DYNLL1: variants seen among roughly 807,000 people sequenced by gnomAD.
DYNLL1 encodes the protein dynein light chain LC8-type 1, also known as dynein light chain 1, cytoplasmic.
In DYNLL1, 3 loss-of-function variants were observed where a neutral mutation model predicts 10.1. The ratio of observed to expected loss-of-function variants is 0.30; its 90% CI spans 0.14 to 0.77. The LOEUF is 0.77. Ranked by LOEUF, DYNLL1 falls within the 30% of genes least tolerant of loss-of-function variation. DYNLL1 has a pLI of 0.66. For synonymous variants in DYNLL1, 46 were observed against 41.2 expected (o/e 1.12, Z -0.45); for missense variants, 47 against 111.7 (o/e 0.42, Z 2.61).
At chr12:120,494,507 C>G (rs1481517205), upstream of DYNLL1, among the ~76,000 whole-genome samples, 1 of 152,064 alleles carries the variant, frequency 6.6e-6, no homozygotes, top group Admixed American at 6.5e-5. Flanking sequence ...AACTCCTTAC[C>G]TCAGGTCATC....
upstream of DYNLL1, chr12:120,495,210 A>T (rs370573277): frequency 1.5e-4 from 23 of 152,124 alleles, no homozygotes; most frequent in African/African-American, 5.3e-4. Context: ...TCATCTCTCT[A>T]ACGGCCGCTT....
At chr12:120,480,316 T>C (rs1878853632) in intron 1 of DYNLL1, among the ~76,000 whole-genome samples, 1 of 152,212 alleles carries the variant, frequency 6.6e-6, no homozygotes, top group South Asian at 2.1e-4. Context: ...TATGTGTGGA[T>C]ATGAAAAGAT....
At chr12:120,493,141 A>AATGTTTTATATTCTAATATTT (rs1343636022), upstream of DYNLL1, among the ~76,000 whole-genome samples, 13 of 152,322 alleles carry the variant, frequency 8.5e-5, no homozygotes, top group East Asian at 1.9e-3. Context: ...TGCAAAAACA[A>AATGTTTTATATTCTAATATTT]ATGTTTTATA....
intron 1 of DYNLL1, among the ~76,000 whole-genome samples, chr12:120,472,177 CA>C (rs58950474): frequency 1.0e-4 from 15 of 148,004 alleles, no homozygotes; most frequent in African/African-American, 2.2e-4. Flanking sequence ...CTGCTTGTAA[CA>C]AAAAAAAAAT....
intron 1 of DYNLL1, among the ~76,000 whole-genome samples, chr12:120,473,415 C>T (rs972816798): frequency 6.6e-6 from 1 of 151,748 alleles, no homozygotes; most frequent in African/African-American, 2.4e-5. Flanking sequence ...TAAAAATTGC[C>T]AGGCCCAGTG....
chr12:120,494,085 G>A (rs751698242), upstream of DYNLL1, among the ~76,000 whole-genome samples: 3 of 152,010 alleles, frequency 2.0e-5, no homozygotes, highest in Admixed American at 1.3e-4. Flanking sequence ...TGGAGTCACC[G>A]TGGCTTTACT....
intron 1 of DYNLL1, among the ~76,000 whole-genome samples, chr12:120,479,046 C>T (rs1878818330): frequency 1.3e-5 from 2 of 151,098 alleles, no homozygotes; most frequent in Non-Finnish European, 3.0e-5. Context: ...TGCCTGTAAT[C>T]CCAGCTACTC....
Position 120,496,145 on chromosome 12 carries a change from T to A in DYNLL1, c.-78T>A. On this transcript the variant is annotated 5_prime_UTR_variant, in exon 1 of 3. Transcript: ENST00000242577. Reference sequence around the variant, plus strand: ...CCACGGTTTCGGTAGCGACGGTATCTCTAGCCGGGCCTGAGCTGTGCTAGC... The same window carrying A: ...CCACGGTTTCGGTAGCGACGGTATCACTAGCCGGGCCTGAGCTGTGCTAGC... 1 of 543,286 alleles carries A rather than the reference T, an allele frequency of 1.8e-6. No individual in the cohort carries two copies. Among genetic ancestry groups the A allele is most frequent in the Non-Finnish European group, 3.3e-6 (1 of 305,564 alleles). 33.7% of individuals were successfully genotyped at this position (543,286 alleles called of 1,614,324 possible). A position where few individuals can be genotyped will look rare whatever the true frequency, so the allele number is the denominator to read the frequency against.
chr12:120,475,581 A>G (rs1164992118), intron 1 of DYNLL1, among the ~76,000 whole-genome samples: 1 of 152,228 alleles, frequency 6.6e-6, no homozygotes, highest in Admixed American at 6.5e-5. Context: ...TCTATATTTG[A>G]GTTCTATGTG....
intron 1 of DYNLL1, among the ~76,000 whole-genome samples, chr12:120,482,787 C>T (rs1878909954): frequency 6.6e-6 from 1 of 152,020 alleles, no homozygotes; most frequent in Non-Finnish European, 1.5e-5. Flanking sequence ...AAAAGATAAA[C>T]ACATAGAGCA....
chr12:120,470,384 C>T (rs1878619560), intron 1 of DYNLL1, among the ~76,000 whole-genome samples: 1 of 152,118 alleles, frequency 6.6e-6, no homozygotes. Context: ...AGACACCCAC[C>T]TTGGCACTTA....
Position 120,497,865 on chromosome 12 carries a change from C to T in DYNLL1, c.133-208C>T, listed in dbSNP as rs1419604442. ...ACCTTTCGTCCTTTGACCTCCTCAG[C>T]CTCCATTCCCATCTTCGCTCAGACT... On this transcript the variant is annotated intron_variant, in intron 2 of 2. Transcript: ENST00000242577. The T allele has an allele frequency of 7.0e-6, 4 of 568,564 alleles. No homozygotes were observed. In the East Asian group the frequency reaches 9.0e-5, roughly 13 times the overall value. 35.2% of individuals were successfully genotyped at this position (568,564 alleles called of 1,614,324 possible).
At chr12:120,471,311 T>C (rs1461676499) in intron 1 of DYNLL1, among the ~76,000 whole-genome samples, 1 of 151,574 alleles carries the variant, frequency 6.6e-6, no homozygotes, top group African/African-American at 2.4e-5. Context: ...AGGCAGAGGT[T>C]GCAGTGAGCC....
At chr12:120,480,632 A>G (rs1236741077) in intron 1 of DYNLL1, among the ~76,000 whole-genome samples, 4 of 152,102 alleles carry the variant, frequency 2.6e-5, no homozygotes, top group Admixed American at 2.6e-4. Context: ...AGGCCTCCTC[A>G]GCCTTCAGGT....
upstream of DYNLL1, chr12:120,496,008 C>A: frequency 3.4e-6 from 1 of 293,302 alleles, no homozygotes; most frequent in Non-Finnish European, 6.6e-6. Context: ...TGGAAGAATG[C>A]CGTGGGCTGC....
At chr12:120,474,168 C>T (rs1878706481) in intron 1 of DYNLL1, among the ~76,000 whole-genome samples, 2 of 151,818 alleles carry the variant, frequency 1.3e-5, no homozygotes, top group South Asian at 4.2e-4. Context: ...GGCATGGTGG[C>T]ACACACCCAT....
chr12:120,497,874 C>T (rs1032398757), intron 2 of DYNLL1, 199 bp from the exon 3 acceptor site: 21 of 579,036 alleles, frequency 3.6e-5, no homozygotes, highest in Non-Finnish European at 6.0e-5. Context: ...GCCTCCATTC[C>T]CATCTTCGCT....
chr12:120,476,548 C>T (rs1347098330), intron 1 of DYNLL1, among the ~76,000 whole-genome samples: 3 of 152,156 alleles, frequency 2.0e-5, no homozygotes, highest in Non-Finnish European at 2.9e-5. Flanking sequence ...TCATGGGCTG[C>T]CAGTCTGTCT....
intron 1 of DYNLL1, among the ~76,000 whole-genome samples, chr12:120,483,246 G>A (rs1878924274): frequency 6.6e-6 from 1 of 151,848 alleles, no homozygotes; most frequent in Non-Finnish European, 1.5e-5. Context: ...GCTGAGGCAG[G>A]AGAATTGCTT....
Sources: allele counts gnomAD v4.1 joint callset (sites outside exome capture counted in the v4.1 genomes callset), GRCh38; gene constraint gnomAD v4.1.1; transcripts MANE v1.5; gene names NCBI Gene and HGNC (gene_info 2026-07-23, HGNC 2026-07-21).